STK3: variants seen among roughly 807,000 people sequenced by gnomAD.
STK3 encodes the protein serine/threonine-protein kinase 3.
Under a neutral mutation model 58.0 loss-of-function variants are expected in STK3, and 41 were observed. The ratio of observed to expected loss-of-function variants is 0.71; its 90% CI spans 0.55 to 0.92. The LOEUF (loss-of-function observed/expected upper bound fraction) is 0.92. STK3 is among the 40% of genes least tolerant of loss of function. The pLI, the probability that STK3 is intolerant of heterozygous loss-of-function variation, is 0.00. For missense variants in STK3, 479 were observed against 602.7 expected, an observed-to-expected ratio of 0.79 and a Z score of 2.15; for synonymous variants, 170 against 191.0, an observed-to-expected ratio of 0.89 and a Z score of 0.91.
chr8:98,409,196 G>A (rs2131037814), intron 3 of STK3, among the ~76,000 whole-genome samples: 1 of 152,312 alleles, frequency 6.6e-6, no homozygotes. Flanking sequence ...GAGGTGCCAT[G>A]TCTTGGAGCA....
At chr8:98,375,815 AG>A (rs1817668622) in intron 2 of STK3, among the ~76,000 whole-genome samples, 1 of 152,154 alleles carries the variant, frequency 6.6e-6, no homozygotes, top group Non-Finnish European at 1.5e-5. Flanking sequence ...CATCTACTGG[AG>A]GACATTTGGT....
At chr8:98,481,547 T>C (rs1315548781) in intron 10 of STK3, among the ~76,000 whole-genome samples, 4 of 152,052 alleles carry the variant, frequency 2.6e-5, no homozygotes, top group Non-Finnish European at 4.4e-5. Context: ...GCTACGGATA[T>C]GCAAAGGCAT....
At chr8:98,451,556 A>C (rs1172961316), downstream of STK3, among the ~76,000 whole-genome samples, 2 of 152,194 alleles carry the variant, frequency 1.3e-5, no homozygotes, top group Non-Finnish European at 2.9e-5. Flanking sequence ...GGTGGCAAAG[A>C]GTCTGACTAA....
chr8:98,942,359 C>T (rs1840468937), intron 1 of STK3: 1 of 152,284 alleles, frequency 6.6e-6, no homozygotes, highest in Non-Finnish European at 1.5e-5. Flanking sequence ...AAAGCTGGAG[C>T]TCGCCGACTC....
At chr8:98,411,782 A>G (rs768425026) in intron 3 of STK3, among the ~76,000 whole-genome samples, 2 of 152,220 alleles carry the variant, frequency 1.3e-5, no homozygotes, top group Non-Finnish European at 2.9e-5. Flanking sequence ...GGGACAAATC[A>G]GGGTGTACTA....
chr8:98,596,974 A>C (rs2129990618), intron 6 of STK3, among the ~76,000 whole-genome samples: 1 of 152,310 alleles, frequency 6.6e-6, no homozygotes, highest in South Asian at 2.1e-4. Context: ...CATGAGTAAT[A>C]AAATGTTCAA....
At chr8:98,646,991 C>G (rs1820447121) in intron 6 of STK3, among the ~76,000 whole-genome samples, 1 of 152,162 alleles carries the variant, frequency 6.6e-6, no homozygotes, top group African/African-American at 2.4e-5. Flanking sequence ...TCTTATCACT[C>G]TGCTGCTCAA....
At chr8:98,618,206 C>G (rs1232643257) in intron 6 of STK3, among the ~76,000 whole-genome samples, 1 of 151,520 alleles carries the variant, frequency 6.6e-6, no homozygotes, top group Non-Finnish European at 1.5e-5. Flanking sequence ...GAGCCAAAGA[C>G]AAAAACCACA....
chr8:98,903,538 CTT>C (rs1838748981), intron 1 of STK3, among the ~76,000 whole-genome samples: 2 of 28,408 alleles, frequency 7.0e-5, no homozygotes, highest in Non-Finnish European at 1.1e-4. Context: ...TCTTCTTCTT[CTT>C]CTTCTTCTTC....
At chr8:98,562,974 T>A (rs549257315) in intron 8 of STK3, among the ~76,000 whole-genome samples, 3 of 147,644 alleles carry the variant, frequency 2.0e-5, no homozygotes, top group East Asian at 4.0e-4. Flanking sequence ...AAAAAAAAAA[T>A]TTAGGAGGTC....
intron 6 of STK3, among the ~76,000 whole-genome samples, chr8:98,634,563 C>T (rs776867955): frequency 2.4e-4 from 36 of 151,922 alleles, no homozygotes; most frequent in Non-Finnish European, 3.8e-4. Context: ...GTTAATGGCA[C>T]CACCATCTAA....
chr8:98,722,114 C>T (rs1827473607), intron 4 of STK3, among the ~76,000 whole-genome samples: 1 of 151,990 alleles, frequency 6.6e-6, no homozygotes, highest in East Asian at 1.9e-4. Context: ...AAGTAGCTCA[C>T]TATCCAGAGA....
rs116897705 is a variant in STK3, at chr8:98,488,619, A to C, written c.1318-32619T>G. The stretch of plus-strand genomic sequence containing the variant: ...CCCGTATTTGGGTAGAAAAAAATGC[A>C]TCATGTCTCAAAGAATGAACTACTG... On this transcript the variant is annotated intron_variant, in intron 10 of 10. Coordinates refer to ENST00000419617, the MANE Select transcript of STK3 (RefSeq NM_006281.4). Among the ~76,000 whole-genome samples, 1,247 of 152,304 alleles carry C rather than the reference A, an allele frequency of 8.2e-3. 10 individuals carry two copies. Among genetic ancestry groups the C allele is most frequent in the African/African-American group, 0.021 (854 of 41,562 alleles).
In STK3 at chr8:98,501,946, G is replaced by T. The variant is rs185370042; in HGVS notation, c.1317+24796C>A. On this transcript the variant is annotated intron_variant, in intron 10 of 10. Coordinates refer to ENST00000419617, the MANE Select transcript of STK3 (RefSeq NM_006281.4). ...GTTTTTTCCAATTCTGTGAAGAAAG[G>T]CATTGGTAGCTTGACGGCGATGGCA... 4.6e-5 allele frequency among the ~76,000 whole-genome samples: 7 copies of T among 152,236 alleles called. No homozygotes were observed. In the South Asian group the frequency reaches 1.0e-3, roughly 23 times the overall value.
chr8:98,941,283 C>T (rs1388442464), intron 1 of STK3, among the ~76,000 whole-genome samples: 1 of 152,272 alleles, frequency 6.6e-6, no homozygotes, highest in Non-Finnish European at 1.5e-5. Context: ...GCCTAGTACA[C>T]GCAATCCTCC....
At chr8:98,701,055 G>A (rs916876827) in intron 6 of STK3, among the ~76,000 whole-genome samples, 2 of 151,970 alleles carry the variant, frequency 1.3e-5, no homozygotes, top group Admixed American at 6.6e-5. Flanking sequence ...TGTAGTTCCA[G>A]GTATTCGAGA....
At chr8:98,609,192 T>C (rs1221729058) in intron 6 of STK3, among the ~76,000 whole-genome samples, 1 of 152,246 alleles carries the variant, frequency 6.6e-6, no homozygotes, top group Non-Finnish European at 1.5e-5. Context: ...CATATTAAGT[T>C]ATATATTTCA....
chr8:98,919,152 G>A (rs1839455356), intron 1 of STK3, among the ~76,000 whole-genome samples: 1 of 152,134 alleles, frequency 6.6e-6, no homozygotes. Context: ...AGGCCCCAGG[G>A]GATAAGAGTT....
chr8:98,763,536 T>G (rs1249295528), intron 3 of STK3, among the ~76,000 whole-genome samples: 1 of 152,234 alleles, frequency 6.6e-6, no homozygotes, highest in Non-Finnish European at 1.5e-5. Flanking sequence ...AGTGTATTAT[T>G]TGGGAATTTT....
Sources: allele counts gnomAD v4.1 joint callset (sites outside exome capture counted in the v4.1 genomes callset), GRCh38; gene constraint gnomAD v4.1.1; transcripts MANE v1.5; gene names NCBI Gene and HGNC (gene_info 2026-07-23, HGNC 2026-07-21).